Variants in PSMA3 observed in about 807,000 individuals in gnomAD.
PSMA3 encodes the protein proteasome subunit alpha type-3.
A neutral mutation model predicts 40.0 loss-of-function variants in PSMA3; 8 were observed. The ratio of observed to expected loss-of-function variants is 0.20; its 90% CI spans 0.12 to 0.36. The LOEUF is 0.36. Among genes scored for constraint, PSMA3 ranks in the 10% least tolerant of loss-of-function variants. The pLI is 1.00. For synonymous variants in PSMA3, 110 were observed against 100.0 expected, an observed-to-expected ratio of 1.10 and a Z score of -0.59; for missense variants, 219 against 310.6, an observed-to-expected ratio of 0.70 and a Z score of 2.22.
chr14:58,249,535 T>C (rs1389349855), intron 2 of PSMA3, among the ~76,000 whole-genome samples: 2 of 151,784 alleles, frequency 1.3e-5, no homozygotes, highest in Non-Finnish European at 2.9e-5. Flanking sequence ...GGGCAGGACA[T>C]AGGATCTCGC....
intron 10 of PSMA3, 133 bp from the exon 11 acceptor site, chr14:58,271,718 C>T: frequency 1.5e-6 from 1 of 670,100 alleles, no homozygotes; most frequent in South Asian, 1.6e-5. Context: ...GTATCTTATT[C>T]TGAAACTGTT....
chr14:58,264,983 A>G (rs879571314), intron 7 of PSMA3: 1 of 152,180 alleles, frequency 6.6e-6, no homozygotes, highest in Admixed American at 6.6e-5. Context: ...TATTTATGTC[A>G]GTTGAGGGGG....
Position 58,244,870 on chromosome 14 carries a change from G to C in PSMA3, c.-51G>C. The C allele has an allele frequency of 6.2e-7, 1 of 1,614,092 alleles. No individual in the cohort carries two copies. The highest frequency in any genetic ancestry group is 8.5e-7 in the Non-Finnish European group (1 of 1,179,948). On this transcript the variant is annotated 5_prime_UTR_variant, in exon 1 of 11. Transcript: ENST00000216455. ...TAGTTTGCGGCATCCTGTGGTATAG[G>C]GGAAGCGCTCCGGGCCTGGAATCCC...
At position 58,270,874 on chromosome 14, in the gene PSMA3, T is replaced by C. The variant is rs368078072; in HGVS notation, c.659-60T>C. Reference sequence around the variant, plus strand: ...GGATTGGGTAGATCCTATGGTATACTGCAAGTTACAATATGGTACTCAATT... The same window carrying C: ...GGATTGGGTAGATCCTATGGTATACCGCAAGTTACAATATGGTACTCAATT... On this transcript the variant is annotated intron_variant, in intron 9 of 10. Transcript: ENST00000216455. 6.9e-5 allele frequency: 96 copies of C among 1,387,576 alleles called. 1 individual carries two copies. In the African/African-American group the frequency reaches 1.2e-3, roughly 17 times the overall value. The allele number at this position is 1,387,576 out of a possible 1,614,324, so 86.0% of individuals were successfully genotyped here. A position where few individuals can be genotyped will look rare whatever the true frequency, so the allele number is the denominator to read the frequency against.
intron 8 of PSMA3, 141 bp downstream of exon 8, chr14:58,267,661 A>AATT (rs1187932678): frequency 3.2e-6 from 4 of 1,247,448 alleles, no homozygotes; most frequent in Admixed American, 4.2e-5. Context: ...ACATTCTAAG[A>AATT]AGCCTCACGA....
At chr14:58,246,855 T>A (rs1442592061) in intron 1 of PSMA3, among the ~76,000 whole-genome samples, 1 of 152,214 alleles carries the variant, frequency 6.6e-6, no homozygotes, top group Non-Finnish European at 1.5e-5. Context: ...AAAGCCAGAA[T>A]GATGTTTTTA....
At chr14:58,260,832 T>C in intron 5 of PSMA3, 116 bp from the exon 6 acceptor site, 1 of 630,656 alleles carries the variant, frequency 1.6e-6, no homozygotes, top group South Asian at 2.2e-5. Context: ...TACTGAGTTA[T>C]ATGTGTATTA....
intron 6 of PSMA3, among the ~76,000 whole-genome samples, chr14:58,262,873 T>TA (rs1171452898): frequency 1.3e-5 from 2 of 152,288 alleles, no homozygotes; most frequent in African/African-American, 2.4e-5. Flanking sequence ...CCCGGCCTGT[T>TA]ACCGTTTCTT....
rs757898336 is a variant in PSMA3, at chr14:58,271,011, A to G, written c.723+13A>G. ...GAAATATGCTAAGGTAAGCCACAGC[A>G]CAAAAACTTCTCTTGGCCAGGTACA... is the stretch of plus-strand genomic sequence containing the variant. On this transcript the variant is annotated intron_variant, in intron 10 of 10. Transcript: ENST00000216455. The G allele has an allele frequency of 1.3e-6, 2 of 1,592,450 alleles. No homozygotes were observed. Among genetic ancestry groups the G allele is most frequent in the Non-Finnish European group, 1.7e-6 (2 of 1,165,882 alleles).
At chr14:58,252,991 T>G (rs1401073586) in intron 3 of PSMA3, among the ~76,000 whole-genome samples, 1 of 150,836 alleles carries the variant, frequency 6.6e-6, no homozygotes. Flanking sequence ...CTTTTTTTTT[T>G]TTTTTTGGTT....
At chr14:58,250,601 G>GT (rs1339822466) in intron 2 of PSMA3, among the ~76,000 whole-genome samples, 3 of 152,180 alleles carry the variant, frequency 2.0e-5, no homozygotes. Context: ...GACACCTAAA[G>GT]TGTTGGGGAA....
chr14:58,260,600 C>T (rs921384044), intron 5 of PSMA3, among the ~76,000 whole-genome samples: 6 of 152,258 alleles, frequency 3.9e-5, no homozygotes, highest in East Asian at 1.9e-4. Context: ...GTATACTCTC[C>T]GTCAGGAATT....
chr14:58,247,914 G>GTATATGTTACATA, intron 2 of PSMA3, 82 bp downstream of exon 2: 1 of 855,492 alleles, frequency 1.2e-6, no homozygotes, highest in Non-Finnish European at 1.8e-6. Flanking sequence ...TGTTACTTTG[G>GTATATGTTACATA]TACAAATTAG....
intron 8 of PSMA3, 148 bp from the exon 9 acceptor site, chr14:58,270,270 A>G (rs1203531087): frequency 8.9e-7 from 1 of 1,120,856 alleles, no homozygotes; most frequent in African/African-American, 1.7e-5. Flanking sequence ...GTCTTCTCTA[A>G]TGTTAAATAC....
In PSMA3 at chr14:58,252,100, TTTC is replaced by T; in HGVS notation, c.105-14_105-12del. On this transcript the variant is annotated splice_polypyrimidine_tract_variant and intron_variant, in intron 2 of 10. Transcript: ENST00000216455. ...TTTTATTTTCAGTTAAAAAACTGAT[TTTC>T]TTCTCCTTGTTTCAGTACAGCTATT... is the stretch of plus-strand genomic sequence containing the variant. 1.9e-6 allele frequency: 3 copies of T among 1,567,968 alleles called. No homozygotes were observed. Among genetic ancestry groups the T allele is most frequent in the Non-Finnish European group, 2.6e-6 (3 of 1,166,780 alleles).
chr14:58,261,147 T>C (rs1163413754), intron 6 of PSMA3, 127 bp downstream of exon 6: 2 of 713,418 alleles, frequency 2.8e-6, no homozygotes, highest in Admixed American at 3.3e-5. Flanking sequence ...TTTTCTTTTT[T>C]TTTTTTTTAC....
chr14:58,261,491 C>T (rs1594829654), intron 6 of PSMA3, among the ~76,000 whole-genome samples: 2 of 152,224 alleles, frequency 1.3e-5, no homozygotes, highest in East Asian at 3.9e-4. Flanking sequence ...GTTTTCTTAT[C>T]ATTAATAACT....
At chr14:58,244,963 G>C in intron 1 of PSMA3, 22 bp downstream of exon 1, 1 of 1,614,184 alleles carries the variant, frequency 6.2e-7, no homozygotes, top group Non-Finnish European at 8.5e-7. Flanking sequence ...GTCTGTCGGT[G>C]TAATAGTTTA....
At chr14:58,258,819 A>G (rs1890206139) in intron 5 of PSMA3, among the ~76,000 whole-genome samples, 1 of 152,224 alleles carries the variant, frequency 6.6e-6, no homozygotes, top group Non-Finnish European at 1.5e-5. Context: ...TAATACATAT[A>G]CTAACATCTG....
Sources: gnomAD v4.1 joint callset for allele counts (sites outside exome capture counted in the v4.1 genomes callset) on GRCh38, gnomAD v4.1.1 for gene constraint, MANE v1.5 for transcripts, NCBI Gene and HGNC (gene_info 2026-07-23, HGNC 2026-07-21) for gene names.